The following HIBADH variants were observed in gnomAD, a reference collection of about 807,000 sequenced individuals.
HIBADH encodes the protein 3-hydroxyisobutyrate dehydrogenase, mitochondrial.
HIBADH carries 25 observed loss-of-function variants against 36.1 expected under a neutral mutation model. The ratio of observed to expected loss-of-function variants is 0.69; its 90% confidence interval spans 0.50 to 0.97. The LOEUF is 0.97. HIBADH is among the 50% of genes least tolerant of loss of function. The pLI, the probability that HIBADH is intolerant of heterozygous loss-of-function variation, is 0.00. For missense variants in HIBADH, 421 were observed against 418.0 expected (o/e 1.01, Z -0.06); for synonymous variants, 160 against 149.5 (o/e 1.07, Z -0.51).
At chr7:27,638,192 G>A (rs928937578) in intron 2 of HIBADH, among the ~76,000 whole-genome samples, 1 of 150,362 alleles carries the variant, frequency 6.7e-6, no homozygotes, top group Non-Finnish European at 1.5e-5. Context: ...TTTCTATAGG[G>A]CTACAGTAAC....
At chr7:27,599,944 T>TG (rs1182038519) in intron 4 of HIBADH, among the ~76,000 whole-genome samples, 1 of 151,162 alleles carries the variant, frequency 6.6e-6, no homozygotes, top group Non-Finnish European at 1.5e-5. Context: ...TTGTTGCCAA[T>TG]GGGAAAAAAA....
chr7:27,605,246 T>C (rs1785198257), intron 4 of HIBADH, among the ~76,000 whole-genome samples: 1 of 152,058 alleles, frequency 6.6e-6, no homozygotes, highest in Non-Finnish European at 1.5e-5. Flanking sequence ...TTATCACTGT[T>C]TTAAAATGAG....
At chr7:27,653,115 C>T (rs943558546) in intron 1 of HIBADH, among the ~76,000 whole-genome samples, 21 of 150,948 alleles carry the variant, frequency 1.4e-4, no homozygotes, top group African/African-American at 4.9e-4. Context: ...GGTGACAGAG[C>T]GAGACTCCGT....
chr7:27,527,755 C>CT (rs10629006), intron 7 of HIBADH, among the ~76,000 whole-genome samples: 31 of 132,070 alleles, frequency 2.3e-4, no homozygotes, highest in South Asian at 7.1e-4. Flanking sequence ...CAATCAGTAA[C>CT]TTTTTTTTTT....
chr7:27,526,340 G>C lies in HIBADH; in HGVS notation c.885C>G (p.Ser295Arg). 11 of 1,612,948 alleles carry C rather than the reference G, an allele frequency of 6.8e-6. No homozygotes were observed. The highest frequency in any genetic ancestry group is 8.5e-6 in the Non-Finnish European group (10 of 1,179,530). Residue 295 changes from serine to arginine, a missense_variant, in exon 8 of 8, where the codon AGC becomes AGG. Physicochemically the swap from Ser to Arg is moderately radical, Grantham distance 110. Coordinates refer to ENST00000265395, the MANE Select transcript of HIBADH (RefSeq NM_152740.4). The stretch of plus-strand genomic sequence containing the variant: ...TGCCAAGAAGGATTGGGCTCTTTGT[G>C]CTGGTAGCAGAGTCTTGTGCCAATC... ...DLGLAQDSAT[S>R]TKSPILLGSL...
intron 3 of HIBADH, among the ~76,000 whole-genome samples, chr7:27,631,398 C>T (rs1785743472): frequency 6.6e-6 from 1 of 152,206 alleles, no homozygotes; most frequent in African/African-American, 2.4e-5. Flanking sequence ...CAACACAATT[C>T]AATTACCAGA....
chr7:27,631,632 G>C (rs1785747708), intron 3 of HIBADH, among the ~76,000 whole-genome samples: 2 of 152,156 alleles, frequency 1.3e-5, no homozygotes, highest in African/African-American at 2.4e-5. Context: ...TTAACCAAAA[G>C]GTTTCTCAGA....
intron 1 of HIBADH, among the ~76,000 whole-genome samples, chr7:27,661,321 C>A (rs535309948): frequency 6.6e-6 from 1 of 152,212 alleles, no homozygotes; most frequent in East Asian, 1.9e-4. Flanking sequence ...CAATTCCTGG[C>A]CAGCCACAGT....
At chr7:27,629,254 G>T in intron 4 of HIBADH, 117 bp downstream of exon 4, 1 of 985,594 alleles carries the variant, frequency 1.0e-6, no homozygotes, top group Non-Finnish European at 1.4e-6. Flanking sequence ...TATTTTTAAT[G>T]AGAATCCTGT....
At chr7:27,607,346 A>T (rs558076504) in intron 4 of HIBADH, among the ~76,000 whole-genome samples, 1 of 152,226 alleles carries the variant, frequency 6.6e-6, no homozygotes, top group East Asian at 1.9e-4. Flanking sequence ...TGTCTCTAGT[A>T]AAAATATAAA....
At chr7:27,657,115 G>A (rs1222376415) in intron 1 of HIBADH, among the ~76,000 whole-genome samples, 1 of 151,844 alleles carries the variant, frequency 6.6e-6, no homozygotes, top group Non-Finnish European at 1.5e-5. Context: ...ATAAACAAGA[G>A]ATTAATGAAA....
At chr7:27,636,316 T>C (rs902903549) in intron 2 of HIBADH, among the ~76,000 whole-genome samples, 3 of 152,262 alleles carry the variant, frequency 2.0e-5, no homozygotes, top group African/African-American at 7.2e-5. Flanking sequence ...TTGTTAAACT[T>C]GCCACTCCTG....
chr7:27,633,663 TAAAAAAAAGAA>T (rs1785787852), intron 2 of HIBADH, among the ~76,000 whole-genome samples: 1 of 151,536 alleles, frequency 6.6e-6, no homozygotes, highest in Non-Finnish European at 1.5e-5. Context: ...ACCTGTCTCT[TAAAAAAAAGAA>T]AAAGAAAAGA....
intron 4 of HIBADH, among the ~76,000 whole-genome samples, chr7:27,589,033 TAGGAAC>T (rs1562633313): frequency 6.6e-6 from 1 of 152,206 alleles, no homozygotes; most frequent in East Asian, 1.9e-4. Flanking sequence ...GTATGAAAAT[TAGGAAC>T]TATCTGCATT....
Position 27,654,961 on chromosome 7 carries a change from G to A in HIBADH, c.92-5328C>T, listed in dbSNP as rs371264097. Reference sequence around the variant, plus strand: ...CTCAGCCTCCTAAAGTTCTAGGAGCGCAGGCGTGAGCCACCGCACCCAGCC... The same window carrying A: ...CTCAGCCTCCTAAAGTTCTAGGAGCACAGGCGTGAGCCACCGCACCCAGCC... On this transcript the variant is annotated intron_variant, in intron 1 of 7. Transcript: ENST00000265395. Among the ~76,000 whole-genome samples, 18 of 152,184 alleles carry A rather than the reference G, an allele frequency of 1.2e-4. No individual in the cohort carries two copies. In the East Asian group the frequency reaches 2.1e-3, roughly 18 times the overall value.
At chr7:27,538,811 G>C (rs1456898268) in intron 5 of HIBADH, among the ~76,000 whole-genome samples, 1 of 152,142 alleles carries the variant, frequency 6.6e-6, no homozygotes, top group African/African-American at 2.4e-5. Context: ...TAAGAGATAG[G>C]AGTTCAGAGC....
At chr7:27,599,680 CAAAAAAAAAAAAA>C (rs3072889) in intron 4 of HIBADH, among the ~76,000 whole-genome samples, 130 of 41,088 alleles carry the variant, frequency 3.2e-3, no homozygotes, top group Admixed American at 7.1e-3. Context: ...ACTCTGTCTC[CAAAAAAAAAAAAA>C]AAAAAAAAAA....
intron 4 of HIBADH, among the ~76,000 whole-genome samples, chr7:27,623,877 A>G (rs969478653): frequency 2.0e-5 from 3 of 152,188 alleles, no homozygotes; most frequent in Admixed American, 6.5e-5. Flanking sequence ...AGCTCACTGC[A>G]ACCTCTACCT....
At chr7:27,610,073 C>G (rs571250707) in intron 4 of HIBADH, among the ~76,000 whole-genome samples, 1 of 152,196 alleles carries the variant, frequency 6.6e-6, no homozygotes, top group Admixed American at 6.5e-5. Flanking sequence ...CCCACCTCAG[C>G]CTCCCAAAGT....
Sources: gnomAD v4.1 joint callset for allele counts (sites outside exome capture counted in the v4.1 genomes callset) on GRCh38, gnomAD v4.1.1 for gene constraint, MANE v1.5 for transcripts, NCBI Gene and HGNC (gene_info 2026-07-23, HGNC 2026-07-21) for gene names.